Variants in CHRM3 observed in about 807,000 individuals in gnomAD.
The protein encoded by CHRM3 is muscarinic acetylcholine receptor M3.
Under a neutral mutation model 41.8 loss-of-function variants are expected in CHRM3, and 11 were observed. That is an observed-to-expected ratio of 0.26 (90% confidence interval 0.17 to 0.44). The LOEUF is 0.44. Ranked by LOEUF, CHRM3 falls within the 20% of genes least tolerant of loss-of-function variation. The pLI, the probability that CHRM3 is intolerant of heterozygous loss-of-function variation, is 1.00. For synonymous variants in CHRM3, 297 were observed against 301.4 expected, an observed-to-expected ratio of 0.99 and a Z score of 0.15; for missense variants, 571 against 745.4, an observed-to-expected ratio of 0.77 and a Z score of 2.72.
chr1:239,869,515 C>T (rs914188732), intron 6 of CHRM3, among the ~76,000 whole-genome samples: 12 of 152,074 alleles, frequency 7.9e-5, no homozygotes, highest in Non-Finnish European at 1.5e-5. Context: ...TTAAAGTGGT[C>T]TCTGCCTGGG....
chr1:239,389,085 C>T (rs967917618), intron 1 of CHRM3, among the ~76,000 whole-genome samples: 3 of 151,970 alleles, frequency 2.0e-5, no homozygotes, highest in African/African-American at 7.3e-5. Context: ...AATAACGTTG[C>T]GTCATTAATC....
intron 1 of CHRM3, among the ~76,000 whole-genome samples, chr1:239,461,071 G>A (rs1235673903): frequency 1.3e-5 from 2 of 152,132 alleles, no homozygotes; most frequent in African/African-American, 2.4e-5. Context: ...AACATGACGG[G>A]GTCCATGTAT....
chr1:239,858,587 G>A (rs1041271521), intron 6 of CHRM3, among the ~76,000 whole-genome samples: 1 of 151,024 alleles, frequency 6.6e-6, no homozygotes, highest in African/African-American at 2.4e-5. Context: ...CGTTTGTTTG[G>A]TTTTTTAAGG....
intron 4 of CHRM3, among the ~76,000 whole-genome samples, chr1:239,662,188 C>T (rs529062049): frequency 8.0e-5 from 12 of 150,146 alleles, no homozygotes; most frequent in African/African-American, 2.9e-4. Context: ...TGAAAGCTGT[C>T]GTTTTAGAGA....
chr1:239,497,149 A>G (rs1208778270), intron 2 of CHRM3, among the ~76,000 whole-genome samples: 2 of 152,166 alleles, frequency 1.3e-5, no homozygotes, highest in Non-Finnish European at 2.9e-5. Context: ...AAGGATTAGC[A>G]TGGCCTTTCT....
At chr1:239,820,595 G>C (rs556935292) in intron 5 of CHRM3, among the ~76,000 whole-genome samples, 1 of 152,240 alleles carries the variant, frequency 6.6e-6, no homozygotes, top group Non-Finnish European at 1.5e-5. Flanking sequence ...GGGGGAGAAA[G>C]GTGATTAGAG....
chr1:239,721,879 G>T (rs1483322904), intron 5 of CHRM3, among the ~76,000 whole-genome samples: 1 of 151,844 alleles, frequency 6.6e-6, no homozygotes, highest in Admixed American at 6.6e-5. Flanking sequence ...AAATATTGCA[G>T]CAGGTGAGCG....
intron 5 of CHRM3, among the ~76,000 whole-genome samples, chr1:239,692,289 C>A (rs1353559266): frequency 6.6e-6 from 1 of 152,098 alleles, no homozygotes; most frequent in African/African-American, 2.4e-5. Flanking sequence ...ATAAAGTTTA[C>A]ATGAACTAAG....
intron 6 of CHRM3, among the ~76,000 whole-genome samples, chr1:239,881,172 T>A (rs374537969): frequency 8.8e-4 from 128 of 145,850 alleles, no homozygotes; most frequent in Middle Eastern, 7.5e-3. Context: ...AGTCCCAGCT[T>A]CTCGGGAGGC....
intron 5 of CHRM3, chr1:239,703,804 C>A (rs899318412): frequency 6.6e-6 from 1 of 152,082 alleles, no homozygotes; most frequent in Admixed American, 6.6e-5. Context: ...AATGTAGATT[C>A]TATTCCTGAG....
At chr1:239,810,343 A>G (rs1043742578) in intron 5 of CHRM3, among the ~76,000 whole-genome samples, 16 of 152,142 alleles carry the variant, frequency 1.1e-4, no homozygotes, top group Middle Eastern at 3.2e-3. Context: ...AGCCACAGAC[A>G]TAAGGGGGCT....
chr1:239,710,092 C>T (rs140991439), intron 5 of CHRM3, among the ~76,000 whole-genome samples: 92 of 152,194 alleles, frequency 6.0e-4, no homozygotes, highest in African/African-American at 2.1e-3. Flanking sequence ...TGTTATTGGA[C>T]TTGTCATGGA....
At chr1:239,641,859 C>A (rs1671193571) in intron 4 of CHRM3, among the ~76,000 whole-genome samples, 1 of 127,802 alleles carries the variant, frequency 7.8e-6, no homozygotes, top group Non-Finnish European at 1.7e-5. Flanking sequence ...TCTTCCTAGT[C>A]TTGATGGTCT....
At chr1:239,406,199 T>C (rs934414218) in intron 1 of CHRM3, among the ~76,000 whole-genome samples, 3 of 152,170 alleles carry the variant, frequency 2.0e-5, no homozygotes, top group African/African-American at 7.2e-5. Context: ...TGAAGTTCTT[T>C]TGAAGGTCAC....
At chr1:239,884,034 A>G (rs1677861551) in intron 6 of CHRM3, among the ~76,000 whole-genome samples, 1 of 152,212 alleles carries the variant, frequency 6.6e-6, no homozygotes. Context: ...TGATGATAAC[A>G]GTTCTGATCT....
At chr1:239,497,718 G>A (rs1483586469) in intron 2 of CHRM3, among the ~76,000 whole-genome samples, 3 of 152,334 alleles carry the variant, frequency 2.0e-5, no homozygotes, top group Non-Finnish European at 4.4e-5. Flanking sequence ...GGTAAGGAAT[G>A]AGGCCATTGC....
At chr1:239,439,982 G>A (rs1166123011) in intron 1 of CHRM3, among the ~76,000 whole-genome samples, 1 of 150,428 alleles carries the variant, frequency 6.6e-6, no homozygotes, top group Non-Finnish European at 1.5e-5. Context: ...GGCGGATCAC[G>A]AGGTTAGGAG....
chr1:239,542,110 T>C (rs1658842431), intron 2 of CHRM3, among the ~76,000 whole-genome samples: 1 of 152,120 alleles, frequency 6.6e-6, no homozygotes, highest in Non-Finnish European at 1.5e-5. Flanking sequence ...TTATAATTAA[T>C]CATCTTGATA....
chr1:239,568,149 G>T (rs1444743065), intron 3 of CHRM3, among the ~76,000 whole-genome samples: 1 of 152,122 alleles, frequency 6.6e-6, no homozygotes, highest in Non-Finnish European at 1.5e-5. Flanking sequence ...CCTCCAGGCT[G>T]GTGTGGGTAG....
Sources: gnomAD v4.1 joint callset for allele counts (sites outside exome capture counted in the v4.1 genomes callset) on GRCh38, gnomAD v4.1.1 for gene constraint, MANE v1.5 for transcripts, NCBI Gene and HGNC (gene_info 2026-07-23, HGNC 2026-07-21) for gene names.